RAB2A: variants seen among roughly 807,000 people sequenced by gnomAD.
The protein encoded by RAB2A is RAB2A, member RAS oncogene family.
In RAB2A, 7 loss-of-function variants were observed where a neutral mutation model predicts 32.5. The observed-to-expected ratio is 0.22, with a 90% CI of 0.12 to 0.40. The LOEUF is 0.40. Among genes scored for constraint, RAB2A ranks in the 10% least tolerant of loss-of-function variants. The pLI, the probability that RAB2A is intolerant of heterozygous loss-of-function variation, is 1.00. For missense variants in RAB2A, 108 were observed against 260.7 expected (o/e 0.41, Z 4.03); for synonymous variants, 79 against 85.2 (o/e 0.93, Z 0.40).
chr8:60,558,617 T>G, intron 1 of RAB2A: 1 of 550,036 alleles, frequency 1.8e-6, no homozygotes, highest in Admixed American at 2.9e-5. Context: ...TATTTATCTT[T>G]CACATTGAAA....
chr8:60,552,709 AAATAAT>A (rs1362661053), intron 1 of RAB2A: 3 of 152,246 alleles, frequency 2.0e-5, no homozygotes, highest in Non-Finnish European at 4.4e-5. Flanking sequence ...CAAAAAGATG[AAATAAT>A]ATATGGAAAG....
intron 1 of RAB2A, among the ~76,000 whole-genome samples, chr8:60,548,768 G>C (rs1401883850): frequency 7.0e-6 from 1 of 143,878 alleles, no homozygotes; most frequent in South Asian, 2.2e-4. Flanking sequence ...CGGGCGGGGG[G>C]CTGATCCCCC....
intron 5 of RAB2A, among the ~76,000 whole-genome samples, chr8:60,586,333 A>G (rs974889296): frequency 5.9e-5 from 9 of 151,890 alleles, no homozygotes; most frequent in Non-Finnish European, 1.3e-4. Context: ...TTTTTGCCTT[A>G]AGAAACTAGA....
At chr8:60,590,854 T>C (rs1258118162) in intron 5 of RAB2A, among the ~76,000 whole-genome samples, 4 of 151,438 alleles carry the variant, frequency 2.6e-5, no homozygotes, top group Non-Finnish European at 5.9e-5. Flanking sequence ...TATTTATGGT[T>C]ATAAACATGA....
At chr8:60,600,137 T>C (rs1042607627) in intron 6 of RAB2A, among the ~76,000 whole-genome samples, 2 of 150,176 alleles carry the variant, frequency 1.3e-5, no homozygotes, top group Non-Finnish European at 3.0e-5. Flanking sequence ...TTGAAGAGGA[T>C]CTACAAATGG....
At chr8:60,587,139 C>G (rs1179498496) in intron 5 of RAB2A, among the ~76,000 whole-genome samples, 1 of 152,026 alleles carries the variant, frequency 6.6e-6, no homozygotes, top group Non-Finnish European at 1.5e-5. Flanking sequence ...ATACTATAGT[C>G]AATTTACTAT....
intron 6 of RAB2A, among the ~76,000 whole-genome samples, chr8:60,596,470 C>CA (rs1048963499): frequency 2.0e-5 from 3 of 152,144 alleles, no homozygotes; most frequent in Admixed American, 2.0e-4. Context: ...ACAACCCCAT[C>CA]AAAAAGTGGG....
chr8:60,543,451 T>TCAC (rs1807678124), intron 1 of RAB2A, among the ~76,000 whole-genome samples: 1 of 150,726 alleles, frequency 6.6e-6, no homozygotes, highest in African/African-American at 2.5e-5. Flanking sequence ...TTCATTCACT[T>TCAC]TGCTTTCTCC....
chr8:60,571,256 G>T (rs911006785), intron 2 of RAB2A, among the ~76,000 whole-genome samples: 1 of 152,142 alleles, frequency 6.6e-6, no homozygotes, highest in African/African-American at 2.4e-5. Context: ...GTTGAAAAAT[G>T]TATGCAGAAA....
At chr8:60,517,356 G>A in intron 1 of RAB2A, 103 bp downstream of exon 1, 5 of 1,108,026 alleles carry the variant, frequency 4.5e-6, no homozygotes, top group South Asian at 4.1e-5. Flanking sequence ...TCCACCCGGC[G>A]CCTCCCTCCT....
chr8:60,519,384 T>C (rs772411039), intron 1 of RAB2A, among the ~76,000 whole-genome samples: 11 of 152,228 alleles, frequency 7.2e-5, no homozygotes, highest in Non-Finnish European at 1.5e-4. Context: ...TTTGGTGTTT[T>C]TTTCCTGGGC....
intron 5 of RAB2A, 67 bp downstream of exon 5, chr8:60,584,882 T>G: frequency 1.8e-6 from 2 of 1,139,236 alleles, no homozygotes; most frequent in South Asian, 1.7e-5. Context: ...TTTGACTACT[T>G]TCCTTAACAT....
Position 60,594,036 on chromosome 8 carries a change from T to C in RAB2A, c.474+2067T>C, listed in dbSNP as rs77684315. On this transcript the variant is annotated intron_variant, in intron 6 of 7. Transcript: ENST00000262646. ...GCAGAATGGAGATAAAGGAAAGAAA[T>C]AGTGAACTGGATGATAGAACAATAG... 7.7e-3 allele frequency among the ~76,000 whole-genome samples: 1,169 copies of C among 151,922 alleles called. 14 individuals are homozygous for C. The highest frequency in any genetic ancestry group is 0.026 in the African/African-American group (1,066 of 41,444).
chr8:60,596,410 G>C (rs1452743569), intron 6 of RAB2A, among the ~76,000 whole-genome samples: 1 of 151,916 alleles, frequency 6.6e-6, no homozygotes, highest in African/African-American at 2.4e-5. Context: ...CTGACAAAAG[G>C]GCTAATATCC....
chr8:60,593,270 G>A (rs1387925238), intron 6 of RAB2A, among the ~76,000 whole-genome samples: 1 of 152,120 alleles, frequency 6.6e-6, no homozygotes, highest in African/African-American at 2.4e-5. Context: ...GCCTACTACT[G>A]CACCTACTAC....
chr8:60,547,628 G>A (rs1807757784), intron 1 of RAB2A, among the ~76,000 whole-genome samples: 2 of 122,498 alleles, frequency 1.6e-5, no homozygotes, highest in Non-Finnish European at 1.8e-5. Context: ...TCACCTCCCG[G>A]ACGGGGCGGC....
intron 1 of RAB2A, among the ~76,000 whole-genome samples, chr8:60,519,685 G>C (rs1262768905): frequency 6.6e-6 from 1 of 152,152 alleles, no homozygotes; most frequent in African/African-American, 2.4e-5. Flanking sequence ...TATACTTCTT[G>C]AAGTCAGAAA....
chr8:60,570,824 T>TTTC (rs1474236905), intron 2 of RAB2A, among the ~76,000 whole-genome samples: 6 of 152,314 alleles, frequency 3.9e-5, no homozygotes, highest in African/African-American at 1.4e-4. Context: ...ATTACCTTTG[T>TTTC]TTCTCACCCT....
At chr8:60,583,420 A>G (rs985712559) in intron 3 of RAB2A, among the ~76,000 whole-genome samples, 1 of 152,212 alleles carries the variant, frequency 6.6e-6, no homozygotes, top group African/African-American at 2.4e-5. Flanking sequence ...AATTAGTACC[A>G]TGAGTAAAAG....
Sources: gnomAD v4.1 joint callset for allele counts (sites outside exome capture counted in the v4.1 genomes callset) on GRCh38, gnomAD v4.1.1 for gene constraint, MANE v1.5 for transcripts, NCBI Gene and HGNC (gene_info 2026-07-23, HGNC 2026-07-21) for gene names.